TPRG1: variants seen among roughly 807,000 people sequenced by gnomAD.
The protein encoded by TPRG1 is tumor protein p63-regulated gene 1 protein.
TPRG1 carries 29 observed loss-of-function variants against 29.3 expected under a neutral mutation model. The observed-to-expected ratio is 0.99, with a 90% CI of 0.74 to 1.35. The LOEUF (loss-of-function observed/expected upper bound fraction) is 1.35, where lower values mean the gene tolerates loss of function less well. Among genes scored for constraint, TPRG1 ranks in the 40% most tolerant of loss-of-function variants. The pLI is 0.00. For synonymous variants in TPRG1, 130 were observed against 116.8 expected (o/e 1.11, Z -0.73); for missense variants, 327 against 335.0 (o/e 0.98, Z 0.19).
At chr3:189,251,691 A>C (rs1245702749) in intron 4 of TPRG1, among the ~76,000 whole-genome samples, 1 of 152,236 alleles carries the variant, frequency 6.6e-6, no homozygotes, top group East Asian at 1.9e-4. Flanking sequence ...TTAGATATGC[A>C]TACACATAAA....
chr3:189,119,124 C>T (rs1419833283), intron 1 of TPRG1, among the ~76,000 whole-genome samples: 1 of 152,226 alleles, frequency 6.6e-6, no homozygotes, highest in Admixed American at 6.5e-5. Flanking sequence ...GGGAGACCAC[C>T]TTTTGTATCA....
chr3:189,126,333 G>GTTAT (rs1722489476), intron 1 of TPRG1, among the ~76,000 whole-genome samples: 1 of 152,098 alleles, frequency 6.6e-6, no homozygotes, highest in South Asian at 2.1e-4. Flanking sequence ...GAACTTGAAG[G>GTTAT]TTATTTCTTC....
chr3:189,050,616 A>G (rs1715256500), intron 4 of TPRG1, among the ~76,000 whole-genome samples: 1 of 152,210 alleles, frequency 6.6e-6, no homozygotes, highest in Non-Finnish European at 1.5e-5. Context: ...AAAACCAGGA[A>G]AGGACATAAC....
At chr3:189,317,458 C>T (rs1428008873) in intron 5 of TPRG1, among the ~76,000 whole-genome samples, 3 of 152,182 alleles carry the variant, frequency 2.0e-5, no homozygotes, top group Non-Finnish European at 4.4e-5. Context: ...CATGTATGTG[C>T]ACCCCTCCAT....
intron 1 of TPRG1, among the ~76,000 whole-genome samples, chr3:189,177,019 G>T (rs1216016984): frequency 6.6e-6 from 1 of 152,224 alleles, no homozygotes; most frequent in Non-Finnish European, 1.5e-5. Context: ...ATGAAGTGGG[G>T]AGAGAGGTGG....
chr3:189,040,276 A>T (rs971533551), intron 4 of TPRG1, among the ~76,000 whole-genome samples: 2 of 152,218 alleles, frequency 1.3e-5, no homozygotes, highest in Admixed American at 1.3e-4. Flanking sequence ...CTCCTTAGAC[A>T]TTTAGGAAAA....
intron 4 of TPRG1, among the ~76,000 whole-genome samples, chr3:189,056,611 C>T (rs1023183039): frequency 6.6e-6 from 1 of 152,098 alleles, no homozygotes; most frequent in Non-Finnish European, 1.5e-5. Flanking sequence ...TACTAATTCC[C>T]CTGCCAGTTT....
At chr3:189,302,377 T>C (rs4687035) in intron 4 of TPRG1, among the ~76,000 whole-genome samples, 6,582 of 152,256 alleles carry the variant, frequency 0.043, 264 homozygotes, top group Admixed American at 0.13. Context: ...CTGGACTTCA[T>C]GGAGGATTTC....
chr3:189,118,334 G>A (rs1721421488), intron 1 of TPRG1, among the ~76,000 whole-genome samples: 1 of 152,198 alleles, frequency 6.6e-6, no homozygotes, highest in Non-Finnish European at 1.5e-5. Flanking sequence ...AAGTGCCAGA[G>A]CATTCAAGAG....
intron 4 of TPRG1, among the ~76,000 whole-genome samples, chr3:189,036,809 A>G (rs1248905846): frequency 6.6e-6 from 1 of 151,970 alleles, no homozygotes; most frequent in Non-Finnish European, 1.5e-5. Context: ...GATGTAATGA[A>G]GATTATAAAG....
Position 189,197,624 on chromosome 3 carries a change from C to G in TPRG1, c.-9-9752C>G, listed in dbSNP as rs539735466. Among the ~76,000 whole-genome samples the G allele has an allele frequency of 1.6e-3, 244 of 152,288 alleles. 1 individual carries two copies. Among genetic ancestry groups the G allele is most frequent in the African/African-American group, 5.7e-3 (237 of 41,572 alleles). On this transcript the variant is annotated intron_variant, in intron 1 of 5. Coordinates refer to ENST00000345063, the MANE Select transcript of TPRG1 (RefSeq NM_198485.4). ...TTTTCAGATGCTTCTCCTGCCAACT[C>G]TCTTCTAATTCACAAATCCTTATAT...
chr3:189,266,512 A>G (rs1004562575), intron 4 of TPRG1, among the ~76,000 whole-genome samples: 34 of 152,318 alleles, frequency 2.2e-4, no homozygotes, highest in African/African-American at 7.7e-4. Context: ...GAATAGGGAC[A>G]TGATGAGTTG....
At chr3:189,008,296 T>C (rs9815239) in intron 3 of TPRG1, among the ~76,000 whole-genome samples, 6,228 of 152,164 alleles carry the variant, frequency 0.041, 418 homozygotes, top group African/African-American at 0.14. Flanking sequence ...CAGCACACTG[T>C]GATCAGTTGT....
At chr3:189,102,160 C>A (rs560904451) in intron 1 of TPRG1, among the ~76,000 whole-genome samples, 2 of 152,142 alleles carry the variant, frequency 1.3e-5, no homozygotes, top group South Asian at 2.1e-4. Context: ...CAGTTAACAC[C>A]CAATTCTGTA....
chr3:189,293,463 G>C (rs910221586), intron 4 of TPRG1, among the ~76,000 whole-genome samples: 33 of 152,216 alleles, frequency 2.2e-4, no homozygotes, highest in African/African-American at 7.2e-4. Flanking sequence ...GATGGGGAAA[G>C]GTGTGGCGGG....
chr3:189,180,254 C>A (rs958154060), intron 1 of TPRG1, among the ~76,000 whole-genome samples: 6 of 152,158 alleles, frequency 3.9e-5, no homozygotes, highest in African/African-American at 1.4e-4. Context: ...CCTCTGGTCG[C>A]TCCCAAATCT....
intron 5 of TPRG1, among the ~76,000 whole-genome samples, chr3:189,317,910 C>T (rs977742124): frequency 5.3e-5 from 8 of 152,120 alleles, no homozygotes; most frequent in African/African-American, 7.2e-5. Flanking sequence ...ATGGAAATTA[C>T]GATGGGTAGA....
intron 3 of TPRG1, among the ~76,000 whole-genome samples, chr3:189,230,901 A>G (rs544477282): frequency 6.6e-6 from 1 of 152,274 alleles, no homozygotes; most frequent in South Asian, 2.1e-4. Flanking sequence ...CTTTTCAGCT[A>G]TTAATATCAT....
intron 1 of TPRG1, among the ~76,000 whole-genome samples, chr3:189,201,387 GAGAC>G (rs1459819417): frequency 6.6e-6 from 1 of 152,162 alleles, no homozygotes; most frequent in South Asian, 2.1e-4. Context: ...GAGGTATCAG[GAGAC>G]AGACAGAACA....
Sources: allele counts gnomAD v4.1 joint callset (sites outside exome capture counted in the v4.1 genomes callset), GRCh38; gene constraint gnomAD v4.1.1; transcripts MANE v1.5; gene names NCBI Gene and HGNC (gene_info 2026-07-23, HGNC 2026-07-21).